The following GRB10 variants were observed in gnomAD, a reference collection of about 807,000 sequenced individuals.
GRB10 encodes growth factor receptor-bound protein 10.
Under a neutral mutation model 80.9 loss-of-function variants are expected in GRB10, and 20 were observed. That is an observed-to-expected ratio of 0.25 (90% CI 0.17 to 0.36). The LOEUF is 0.36. GRB10 is among the 10% of genes least tolerant of loss of function. The probability of loss-of-function intolerance (pLI) is 1.00; values close to 1 mark genes in which losing one functional copy is unlikely to be tolerated. For missense variants in GRB10, 548 were observed against 747.7 expected (o/e 0.73, Z 3.12); for synonymous variants, 291 against 291.5 (o/e 1.00, Z 0.02).
In GRB10 at chr7:50,605,421, C is replaced by A. The variant is rs371405727; in HGVS notation, c.1273-15G>T. 1.9e-6 allele frequency: 3 copies of A among 1,593,030 alleles called. No individual in the cohort carries two copies. The highest frequency in any genetic ancestry group is 2.6e-6 in the Non-Finnish European group (3 of 1,160,674). On this transcript the variant is annotated splice_polypyrimidine_tract_variant and intron_variant, in intron 14 of 18. Coordinates refer to ENST00000401949, the MANE Select transcript of GRB10 (RefSeq NM_001350814.2). ...GAGACACTGCGCTGAAAAGGAAAGGCCGCAGTTCTTAAAATGCAGGGAAAT... is the reference window on the plus strand; with the variant it reads ...GAGACACTGCGCTGAAAAGGAAAGGACGCAGTTCTTAAAATGCAGGGAAAT...
chr7:50,598,195 A>G (rs2046981048), intron 17 of GRB10, among the ~76,000 whole-genome samples: 1 of 152,330 alleles, frequency 6.6e-6, no homozygotes, highest in East Asian at 1.9e-4. Flanking sequence ...GACCATTGAG[A>G]AGACCATGGC....
At chr7:50,661,430 G>A (rs2059260278) in intron 7 of GRB10, among the ~76,000 whole-genome samples, 1 of 152,210 alleles carries the variant, frequency 6.6e-6, no homozygotes, top group African/African-American at 2.4e-5. Context: ...ATGGAAAAAT[G>A]TGCTCTAAAA....
chr7:50,722,463 T>A (rs1383500333), intron 4 of GRB10, among the ~76,000 whole-genome samples: 1 of 152,164 alleles, frequency 6.6e-6, no homozygotes, highest in African/African-American at 2.4e-5. Flanking sequence ...GGAAATTCCA[T>A]GTGTTCGAAG....
chr7:50,664,152 C>T (rs571156561), intron 7 of GRB10, among the ~76,000 whole-genome samples: 14 of 152,318 alleles, frequency 9.2e-5, no homozygotes, highest in Middle Eastern at 3.4e-3. Context: ...TCTGCCCTGA[C>T]TTCTGATGTC....
chr7:50,616,424 G>C (rs919130888), intron 10 of GRB10, 77 bp from the exon 11 acceptor site: 4 of 1,354,130 alleles, frequency 3.0e-6, no homozygotes, highest in Non-Finnish European at 3.1e-6. Context: ...CAGCATAGCT[G>C]ACATTTTCTG....
intron 7 of GRB10, among the ~76,000 whole-genome samples, chr7:50,634,584 G>T (rs2054593214): frequency 1.3e-5 from 2 of 152,084 alleles, no homozygotes; most frequent in Non-Finnish European, 2.9e-5. Flanking sequence ...CCATTTAAAA[G>T]ACATGGACTG....
chr7:50,695,310 A>C (rs760776988), intron 5 of GRB10, among the ~76,000 whole-genome samples: 4 of 152,184 alleles, frequency 2.6e-5, no homozygotes, highest in Non-Finnish European at 5.9e-5. Flanking sequence ...CTGATAGCAA[A>C]ACACCCTATC....
chr7:50,752,862 A>G (rs1298305898), intron 3 of GRB10, among the ~76,000 whole-genome samples: 1 of 152,222 alleles, frequency 6.6e-6, no homozygotes, highest in Admixed American at 6.5e-5. Flanking sequence ...ACAAGTAACC[A>G]AAAATGGGGA....
intron 3 of GRB10, among the ~76,000 whole-genome samples, chr7:50,755,257 T>G (rs2074886239): frequency 1.3e-5 from 2 of 152,146 alleles, no homozygotes; most frequent in South Asian, 4.1e-4. Context: ...CCAACGGCAC[T>G]GTAAGAATCC....
intron 18 of GRB10, among the ~76,000 whole-genome samples, chr7:50,594,297 G>C (rs936397548): frequency 2.0e-5 from 3 of 152,148 alleles, no homozygotes; most frequent in African/African-American, 7.2e-5. Context: ...GAAGCAAGCA[G>C]CCACAGAAAA....
At chr7:50,739,376 T>C (rs79851545) in intron 3 of GRB10, among the ~76,000 whole-genome samples, 63 of 152,316 alleles carry the variant, frequency 4.1e-4, no homozygotes, top group African/African-American at 1.5e-3. Flanking sequence ...TTGCAAATTA[T>C]GTTTATGGTG....
chr7:50,769,256 C>T (rs2076714862), intron 2 of GRB10, among the ~76,000 whole-genome samples: 1 of 152,208 alleles, frequency 6.6e-6, no homozygotes, highest in East Asian at 1.9e-4. Context: ...CTCCTGTTAA[C>T]ATTACTAAGT....
intron 5 of GRB10, among the ~76,000 whole-genome samples, chr7:50,690,516 C>T (rs929696669): frequency 1.1e-4 from 16 of 152,118 alleles, no homozygotes; most frequent in Non-Finnish European, 1.5e-5. Context: ...TCTGCTACTT[C>T]GAAAAAGGAT....
At chr7:50,713,677 ACCTCCT>A (rs1416488968) in intron 4 of GRB10, among the ~76,000 whole-genome samples, 1 of 72,462 alleles carries the variant, frequency 1.4e-5, no homozygotes, top group East Asian at 4.2e-4. Flanking sequence ...CACCACCTCC[ACCTCCT>A]CCATTGTCAC....
intron 3 of GRB10, among the ~76,000 whole-genome samples, chr7:50,739,592 TC>T (rs2071384695): frequency 1.3e-5 from 2 of 152,338 alleles, no homozygotes; most frequent in African/African-American, 4.8e-5. Context: ...CTCTCATATT[TC>T]CTTTTCTGTT....
At chr7:50,599,950 G>C (rs2047316976) in intron 17 of GRB10, among the ~76,000 whole-genome samples, 1 of 152,140 alleles carries the variant, frequency 6.6e-6, no homozygotes, top group Non-Finnish European at 1.5e-5. Context: ...CCGCCCCCAA[G>C]GTTCAGAAAC....
intron 5 of GRB10, among the ~76,000 whole-genome samples, chr7:50,694,585 C>T (rs567727373): frequency 6.6e-6 from 1 of 152,216 alleles, no homozygotes; most frequent in African/African-American, 2.4e-5. Flanking sequence ...GGTGAGATCT[C>T]ACAGGATGAA....
At chr7:50,596,018 G>GA (rs1411900798) in intron 17 of GRB10, among the ~76,000 whole-genome samples, 1 of 152,138 alleles carries the variant, frequency 6.6e-6, no homozygotes, top group East Asian at 1.9e-4. Flanking sequence ...GGGAGAAGAT[G>GA]AAAATCTTTC....
intron 1 of GRB10, chr7:50,792,976 T>C (rs1482531393): frequency 3.6e-5 from 5 of 140,652 alleles, no homozygotes; most frequent in African/African-American, 1.3e-4. Flanking sequence ...TGCCTCCGCC[T>C]CCGCCGCGCG....
Sources: gnomAD v4.1 joint callset for allele counts (sites outside exome capture counted in the v4.1 genomes callset) on GRCh38, gnomAD v4.1.1 for gene constraint, MANE v1.5 for transcripts, NCBI Gene and HGNC (gene_info 2026-07-23, HGNC 2026-07-21) for gene names.